Variants in PRKG1 observed in about 807,000 individuals in gnomAD.
The protein encoded by PRKG1 is protein kinase cGMP-dependent 1.
In PRKG1, 35 loss-of-function variants were observed where a neutral mutation model predicts 88.1. The observed-to-expected ratio is 0.40, with a 90% CI of 0.30 to 0.53. The LOEUF (loss-of-function observed/expected upper bound fraction) is 0.53, where lower values mean the gene tolerates loss of function less well. PRKG1 is among the 20% of genes least tolerant of loss of function. PRKG1 has a pLI of 0.59. For missense variants in PRKG1, 540 were observed against 839.8 expected, an observed-to-expected ratio of 0.64 and a Z score of 4.41; for synonymous variants, 303 against 292.5, an observed-to-expected ratio of 1.04 and a Z score of -0.37.
intron 1 of PRKG1, among the ~76,000 whole-genome samples, chr10:51,102,351 T>C (rs1413517143): frequency 6.6e-6 from 1 of 152,144 alleles, no homozygotes; most frequent in Non-Finnish European, 1.5e-5. Context: ...AATTGACTCC[T>C]ATAAACTACC....
At chr10:51,454,599 G>T (rs897260589) in intron 2 of PRKG1, among the ~76,000 whole-genome samples, 1 of 152,176 alleles carries the variant, frequency 6.6e-6, no homozygotes, top group Non-Finnish European at 1.5e-5. Context: ...GTTCCACATG[G>T]CTGGGGAGGC....
chr10:51,567,593 T>A (rs981764202), intron 3 of PRKG1, among the ~76,000 whole-genome samples: 3 of 152,074 alleles, frequency 2.0e-5, no homozygotes, highest in Non-Finnish European at 4.4e-5. Flanking sequence ...TTAAAAACCA[T>A]ACTGTTTTTT....
intron 5 of PRKG1, among the ~76,000 whole-genome samples, chr10:52,025,508 G>A (rs1249284657): frequency 6.6e-6 from 1 of 152,008 alleles, no homozygotes; most frequent in Non-Finnish European, 1.5e-5. Context: ...TTTGTATAAG[G>A]TATAAGGAAG....
intron 4 of PRKG1, among the ~76,000 whole-genome samples, chr10:51,819,543 C>A (rs1440226065): frequency 6.6e-6 from 1 of 152,160 alleles, no homozygotes; most frequent in Non-Finnish European, 1.5e-5. Context: ...TCTCACCTGG[C>A]TCATCGTGTC....
intron 8 of PRKG1, among the ~76,000 whole-genome samples, chr10:52,137,199 G>C (rs373129421): frequency 5.3e-5 from 8 of 151,982 alleles, no homozygotes; most frequent in African/African-American, 1.9e-4. Context: ...CAGAGGGAGA[G>C]CAAAAGAACA....
At position 51,510,778 on chromosome 10, in the gene PRKG1, G is replaced by A. The variant is rs186278477; in HGVS notation, c.592+42942G>A. ...TTTTTTTTTGAGACAGAGTCTTGCT[G>A]TGTCGCCCAAGCTGGAGTGCAGTGG... On this transcript the variant is annotated intron_variant, in intron 3 of 17. Transcript: ENST00000373980. Among the ~76,000 whole-genome samples, 868 of 138,720 alleles carry A rather than the reference G, an allele frequency of 6.3e-3. 13 individuals carry two copies. The highest frequency in any genetic ancestry group is 0.022 in the African/African-American group (833 of 37,056). 91.0% of individuals were successfully genotyped at this position (138,720 alleles called of 152,430 possible).
intron 4 of PRKG1, among the ~76,000 whole-genome samples, chr10:51,868,118 C>T (rs1240197699): frequency 6.6e-6 from 1 of 152,052 alleles, no homozygotes; most frequent in African/African-American, 2.4e-5. Flanking sequence ...TATGGTTCTG[C>T]AGTGTAGGTG....
intron 5 of PRKG1, among the ~76,000 whole-genome samples, chr10:52,052,025 T>A (rs570390551): frequency 9.2e-4 from 140 of 152,300 alleles, no homozygotes; most frequent in Non-Finnish European, 1.8e-3. Context: ...TGCTACTACC[T>A]TTGCTACCCA....
At chr10:51,558,606 ATGT>A (rs1837374900) in intron 3 of PRKG1, among the ~76,000 whole-genome samples, 1 of 152,168 alleles carries the variant, frequency 6.6e-6, no homozygotes, top group Admixed American at 6.6e-5. Context: ...ATAAGAGCAA[ATGT>A]TGGGCTTAGT....
At chr10:51,846,964 T>C (rs1840414226) in intron 4 of PRKG1, among the ~76,000 whole-genome samples, 1 of 152,184 alleles carries the variant, frequency 6.6e-6, no homozygotes, top group Non-Finnish European at 1.5e-5. Flanking sequence ...ATATGAATTC[T>C]GAGTTCAGAG....
chr10:51,419,001 C>G (rs888466609), intron 2 of PRKG1, among the ~76,000 whole-genome samples: 4 of 152,012 alleles, frequency 2.6e-5, no homozygotes, highest in Non-Finnish European at 5.9e-5. Flanking sequence ...ATATGTCTTA[C>G]GTAGTTATTT....
At chr10:52,016,921 A>G (rs1845055358) in intron 5 of PRKG1, among the ~76,000 whole-genome samples, 5 of 152,152 alleles carry the variant, frequency 3.3e-5, no homozygotes, top group Admixed American at 3.3e-4. Context: ...AGTCCTTCCT[A>G]AAGGGTTATT....
chr10:52,210,594 C>T (rs984789771), intron 9 of PRKG1, among the ~76,000 whole-genome samples: 3 of 152,126 alleles, frequency 2.0e-5, no homozygotes, highest in Non-Finnish European at 4.4e-5. Flanking sequence ...ATGCCTCCTC[C>T]ATCACTGTGT....
intron 5 of PRKG1, among the ~76,000 whole-genome samples, chr10:51,916,704 A>G (rs141664540): frequency 1.5e-3 from 221 of 152,324 alleles, no homozygotes; most frequent in African/African-American, 5.1e-3. Flanking sequence ...ACATGTCTAT[A>G]CAAAAACTTA....
intron 2 of PRKG1, among the ~76,000 whole-genome samples, chr10:51,388,742 G>T (rs1254813426): frequency 6.6e-6 from 1 of 152,162 alleles, no homozygotes; most frequent in Non-Finnish European, 1.5e-5. Context: ...GTAAACTCAT[G>T]TCAAAGTAAG....
In PRKG1 at chr10:51,130,224, A is replaced by T. The variant is rs1265370646; in HGVS notation, c.312-22940A>T. Among the ~76,000 whole-genome samples the T allele has an allele frequency of 2.6e-5, 4 of 152,292 alleles. No individual in the cohort carries two copies. In the East Asian group the frequency reaches 7.7e-4, roughly 29 times the overall value. On this transcript the variant is annotated intron_variant, in intron 1 of 17. Transcript: ENST00000373980. ...TCTCTCCTCCATTCTCTAACAGAGA[A>T]GTTAGAGAATGGCTTCCCTTTCTAA... is the stretch of plus-strand genomic sequence containing the variant.
intron 3 of PRKG1, chr10:51,695,713 G>T (rs927537284): frequency 6.6e-6 from 1 of 152,102 alleles, no homozygotes; most frequent in South Asian, 2.1e-4. Context: ...AGGAAACATG[G>T]GAAAGTAGCA....
intron 1 of PRKG1, among the ~76,000 whole-genome samples, chr10:51,057,993 G>C (rs977655308): frequency 2.0e-5 from 3 of 152,074 alleles, no homozygotes; most frequent in Non-Finnish European, 2.9e-5. Flanking sequence ...GTGGATGAAA[G>C]TTCCTATTGT....
At chr10:52,042,800 A>G (rs1845781353) in intron 5 of PRKG1, among the ~76,000 whole-genome samples, 1 of 152,172 alleles carries the variant, frequency 6.6e-6, no homozygotes. Context: ...GCAGAATGGG[A>G]GAAAATATTC....
Sources: allele counts gnomAD v4.1 joint callset (sites outside exome capture counted in the v4.1 genomes callset), GRCh38; gene constraint gnomAD v4.1.1; transcripts MANE v1.5; gene names NCBI Gene and HGNC (gene_info 2026-07-23, HGNC 2026-07-21).